The following MARK1 variants were observed in gnomAD, a reference collection of about 807,000 sequenced individuals.
MARK1 encodes the protein microtubule affinity regulating kinase 1, also known as serine/threonine-protein kinase MARK1.
In MARK1, 40 loss-of-function variants were observed where a neutral mutation model predicts 96.3. The observed-to-expected ratio is 0.42, with a 90% CI of 0.32 to 0.54. The LOEUF (loss-of-function observed/expected upper bound fraction) is 0.54. MARK1 is among the 20% of genes least tolerant of loss of function. The pLI is 0.16. For synonymous variants in MARK1, 317 were observed against 341.2 expected (o/e 0.93, Z 0.78); for missense variants, 719 against 984.6 (o/e 0.73, Z 3.61).
At position 220,635,549 on chromosome 1, in the gene MARK1, A is replaced by G; in HGVS notation, c.1276+20A>G. On this transcript the variant is annotated intron_variant, in intron 12 of 17. Coordinates refer to ENST00000366917, the MANE Select transcript of MARK1 (RefSeq NM_018650.5). ...ATCATGGTAGGGGAAAAAGTCACATAAGTGAAGCAACACACGGGTTCTTCC... is the reference window on the plus strand; with the variant it reads ...ATCATGGTAGGGGAAAAAGTCACATGAGTGAAGCAACACACGGGTTCTTCC... 1 of 1,600,178 alleles carries G rather than the reference A, an allele frequency of 6.2e-7. No individual in the cohort carries two copies. The highest frequency in any genetic ancestry group is 8.5e-7 in the Non-Finnish European group (1 of 1,176,222).
In MARK1 at chr1:220,653,292, A is replaced by G; in HGVS notation, c.1928A>G (p.His643Arg). 3 of 1,614,278 alleles carry G rather than the reference A, an allele frequency of 1.9e-6. No individual in the cohort carries two copies. The highest frequency in any genetic ancestry group is 1.7e-5 in the Admixed American group (1 of 60,030). ...TCCCATGAAACGGGTGCATTTGCACATGCCAGAAGGGGAACGTCAACTGGT... is the reference window on the plus strand; with the variant it reads ...TCCCATGAAACGGGTGCATTTGCACGTGCCAGAAGGGGAACGTCAACTGGT... Reference protein sequence around the residue: ...SPSHETGAFAHARRGTSTGII... With the variant: ...SPSHETGAFARARRGTSTGII... Residue 643 changes from histidine (H) to arginine (R), a missense_variant, in exon 16 of 18, where the codon CAT becomes CGT. Physicochemically the swap from His to Arg is conservative, Grantham distance 29 (BLOSUM62 0). Transcript: ENST00000366917.
chr1:220,591,285 G>A (rs1664963706), intron 3 of MARK1, among the ~76,000 whole-genome samples: 1 of 152,178 alleles, frequency 6.6e-6, no homozygotes, highest in African/African-American at 2.4e-5. Flanking sequence ...TAGTTGTTCT[G>A]AAACATGGAG....
chr1:220,635,810 T>G, intron 12 of MARK1, 23 bp from the exon 13 acceptor site: 2 of 1,535,242 alleles, frequency 1.3e-6, no homozygotes, highest in Non-Finnish European at 1.8e-6. Flanking sequence ...CAGCTCATTA[T>G]GCTATTTTTA....
chr1:220,615,936 C>A lies in MARK1; in HGVS notation c.496-3C>A. The A allele has an allele frequency of 6.6e-7, 1 of 1,511,140 alleles. No individual in the cohort carries two copies. 93.6% of individuals were successfully genotyped at this position (1,511,140 alleles called of 1,614,324 possible). A position where few individuals can be genotyped will look rare whatever the true frequency, so the allele number is the denominator to read the frequency against. Reference sequence around the variant, plus strand: ...GACTCTTTTATCCAAATGTTTATTCCAGATTGTATCTGCTGTACAGTATTG... The same window carrying A: ...GACTCTTTTATCCAAATGTTTATTCAAGATTGTATCTGCTGTACAGTATTG... On this transcript the variant is annotated splice_polypyrimidine_tract_variant and splice_region_variant and intron_variant, in intron 6 of 17. Coordinates refer to ENST00000366917, the MANE Select transcript of MARK1 (RefSeq NM_018650.5).
chr1:220,584,505 C>T (rs1421452302), intron 3 of MARK1, among the ~76,000 whole-genome samples: 1 of 152,152 alleles, frequency 6.6e-6, no homozygotes, highest in African/African-American at 2.4e-5. Context: ...AGTTACCGCT[C>T]GTGTCTGGTG....
rs530345108 is a variant in MARK1, at chr1:220,568,618, G to T, written c.52-10736G>T. 7.2e-5 allele frequency among the ~76,000 whole-genome samples: 11 copies of T among 152,256 alleles called. No individual in the cohort carries two copies. The East Asian group carries it at 2.1e-3, about 29-fold the overall frequency. On this transcript the variant is annotated intron_variant, in intron 1 of 17. Transcript: ENST00000366917. ...GAGTGTGATGATATGATATGAAAAA[G>T]AAAATGTTCCCTATACTCCCGTTTC...
chr1:220,628,853 G>A (rs756551423), intron 9 of MARK1, among the ~76,000 whole-genome samples: 13 of 151,486 alleles, frequency 8.6e-5, no homozygotes, highest in East Asian at 5.8e-4. Context: ...TTGGGAAGCC[G>A]AGGCAAGCAG....
At position 220,618,497 on chromosome 1, in the gene MARK1, T is replaced by G; in HGVS notation, c.740T>G (p.Leu247Arg). ...EVDVWSLGVI[L>R]YTLVSGSLPF... ...GATGTGTGGAGTCTGGGCGTCATTC[T>G]CTATACATTAGTCAGTGGCTCCTTG... The change falls in exon 8 of 18, where the codon CTC becomes CGC. Residue 247 changes from leucine to arginine, a missense_variant. Transcript: ENST00000366917. The surrounding 1 kb of genome is among the most constrained non-coding windows in gnomAD (Gnocchi z 4.6). 1.2e-6 allele frequency: 2 copies of G among 1,614,196 alleles called. No homozygotes were observed. The highest frequency in any genetic ancestry group is 1.7e-6 in the Non-Finnish European group (2 of 1,180,020).
chr1:220,637,882 C>T (rs1045424772), intron 13 of MARK1, among the ~76,000 whole-genome samples: 13 of 151,788 alleles, frequency 8.6e-5, no homozygotes, highest in African/African-American at 1.5e-4. Flanking sequence ...TACCAAAATG[C>T]GCAAAATTCC....
At chr1:220,563,573 T>C (rs1662829203) in intron 1 of MARK1, among the ~76,000 whole-genome samples, 1 of 152,126 alleles carries the variant, frequency 6.6e-6, no homozygotes, top group South Asian at 2.1e-4. Flanking sequence ...TAAAGGAAAG[T>C]TAAAAGATGG....
At chr1:220,550,333 G>A (rs1661775992) in intron 1 of MARK1, among the ~76,000 whole-genome samples, 1 of 152,134 alleles carries the variant, frequency 6.6e-6, no homozygotes, top group Admixed American at 6.6e-5. Context: ...AGTTTGATGA[G>A]CTAGAAGCAG....
chr1:220,626,917 A>G (rs1482929834), intron 9 of MARK1: 7 of 494,958 alleles, frequency 1.4e-5, no homozygotes, highest in Non-Finnish European at 2.8e-5. Flanking sequence ...AAGTGGTTCC[A>G]ATTTGTAATG....
chr1:220,585,029 G>A (rs906793749), intron 3 of MARK1, among the ~76,000 whole-genome samples: 2 of 152,142 alleles, frequency 1.3e-5, no homozygotes, highest in Non-Finnish European at 2.9e-5. Flanking sequence ...TAAGTGATAA[G>A]AGAATTATTA....
chr1:220,559,183 T>G (rs750095366), intron 1 of MARK1, among the ~76,000 whole-genome samples: 2 of 152,218 alleles, frequency 1.3e-5, no homozygotes, highest in African/African-American at 2.4e-5. Flanking sequence ...AGAGCTCTTG[T>G]GCATGTCAAC....
At chr1:220,583,839 T>TTTC (rs1393071674) in intron 3 of MARK1, among the ~76,000 whole-genome samples, 1 of 124,736 alleles carries the variant, frequency 8.0e-6, no homozygotes, top group African/African-American at 2.8e-5. Context: ...TTTTTTTTTT[T>TTTC]GTATTTTTAG....
intron 1 of MARK1, among the ~76,000 whole-genome samples, chr1:220,573,658 G>T (rs1020076471): frequency 2.0e-5 from 3 of 152,038 alleles, no homozygotes; most frequent in Non-Finnish European, 4.4e-5. Context: ...CTGTGTCCCA[G>T]TTGTTAAGAT....
At chr1:220,636,796 G>A (rs377313903) in intron 13 of MARK1, among the ~76,000 whole-genome samples, 5 of 152,024 alleles carry the variant, frequency 3.3e-5, no homozygotes, top group East Asian at 1.9e-4. Flanking sequence ...CCAGCTACTC[G>A]GGAGGCTGAG....
intron 3 of MARK1, among the ~76,000 whole-genome samples, chr1:220,588,883 G>C (rs973201930): frequency 6.6e-6 from 1 of 152,182 alleles, no homozygotes; most frequent in East Asian, 1.9e-4. Flanking sequence ...ACAGACAGAA[G>C]TTTTATAAAG....
chr1:220,573,610 A>C (rs1435984722), intron 1 of MARK1, among the ~76,000 whole-genome samples: 1 of 152,114 alleles, frequency 6.6e-6, no homozygotes, highest in Non-Finnish European at 1.5e-5. Flanking sequence ...GGCATGAGCC[A>C]CTGTGCCCGG....
Sources: allele counts gnomAD v4.1 joint callset (sites outside exome capture counted in the v4.1 genomes callset), GRCh38; gene constraint gnomAD v4.1.1; non-coding constraint Gnocchi (gnomAD v3.1); transcripts MANE v1.5; gene names NCBI Gene and HGNC (gene_info 2026-07-23, HGNC 2026-07-21).